VPS13B: variants seen among roughly 807,000 people sequenced by gnomAD.
VPS13B encodes the protein intermembrane lipid transfer protein VPS13B.
A neutral mutation model predicts 426.4 loss-of-function variants in VPS13B; 285 were observed. The observed-to-expected ratio is 0.67, with a 90% confidence interval of 0.61 to 0.74. The LOEUF (loss-of-function observed/expected upper bound fraction) is 0.74. Ranked by LOEUF, VPS13B falls within the 30% of genes least tolerant of loss-of-function variation. The pLI, the probability that VPS13B is intolerant of heterozygous loss-of-function variation, is 0.00. For synonymous variants in VPS13B, 1,676 were observed against 1,676.4 expected, an observed-to-expected ratio of 1.00 and a Z score of 0.01; for missense variants, 4,537 against 4,782.6, an observed-to-expected ratio of 0.95 and a Z score of 1.51.
At position 99,271,247 on chromosome 8, in the gene VPS13B, A is replaced by ACTACTG. The variant is rs144769424; in HGVS notation, c.2516-2950_2516-2949insTACTGC. 7.3e-3 allele frequency among the ~76,000 whole-genome samples: 1,089 copies of ACTACTG among 148,760 alleles called. 32 individuals carry two copies. Among genetic ancestry groups the ACTACTG allele is most frequent in the Middle Eastern group, 0.01 (3 of 286 alleles). ...TACTACTACTACTACTACTACTACT[A>ACTACTG]CGATGATGATTGTATTAGCATTTTT... On this transcript the variant is annotated intron_variant, in intron 17 of 61. Coordinates refer to ENST00000357162, the MANE Select transcript of VPS13B (RefSeq NM_152564.5).
intron 2 of VPS13B, among the ~76,000 whole-genome samples, chr8:99,019,302 G>A (rs575039986): frequency 1.3e-5 from 2 of 151,410 alleles, no homozygotes; most frequent in South Asian, 2.1e-4. Context: ...TACTTCCTGG[G>A]TTCAAATGAT....
intron 15 of VPS13B, among the ~76,000 whole-genome samples, chr8:99,166,588 A>G (rs1199741113): frequency 6.6e-6 from 1 of 152,220 alleles, no homozygotes; most frequent in African/African-American, 2.4e-5. Flanking sequence ...AGATATACAT[A>G]AATGGAAACG....
intron 17 of VPS13B, among the ~76,000 whole-genome samples, chr8:99,221,517 T>G (rs905535694): frequency 6.6e-6 from 1 of 152,192 alleles, no homozygotes; most frequent in African/African-American, 2.4e-5. Flanking sequence ...TAATAACTAT[T>G]TTCTTATGAA....
intron 39 of VPS13B, among the ~76,000 whole-genome samples, chr8:99,764,942 C>T (rs1043381262): frequency 1.6e-4 from 24 of 151,992 alleles, no homozygotes; most frequent in African/African-American, 5.8e-4. Flanking sequence ...AAGCATACTT[C>T]CTAGGGGAAA....
chr8:99,734,955 G>C, intron 39 of VPS13B, among the ~76,000 whole-genome samples: 1 of 152,162 alleles, frequency 6.6e-6, no homozygotes, highest in East Asian at 1.9e-4. Flanking sequence ...GGAGCAGCCA[G>C]GACTATGGAA....
chr8:99,038,385 G>A (rs1438413571), intron 2 of VPS13B, 38 bp from the exon 3 acceptor site: 2 of 1,510,736 alleles, frequency 1.3e-6, no homozygotes, highest in Non-Finnish European at 1.8e-6. Context: ...AAAATATTAA[G>A]CACTTACTAA....
intron 19 of VPS13B, among the ~76,000 whole-genome samples, chr8:99,376,612 A>G (rs945556788): frequency 1.3e-5 from 2 of 152,140 alleles, no homozygotes; most frequent in Non-Finnish European, 2.9e-5. Flanking sequence ...TAAAATCTCA[A>G]ATAAAATGGT....
At chr8:99,146,233 A>T (rs1156944125) in intron 13 of VPS13B, among the ~76,000 whole-genome samples, 1 of 152,168 alleles carries the variant, frequency 6.6e-6, no homozygotes, top group African/African-American at 2.4e-5. Flanking sequence ...ATAAGGAGTG[A>T]GGTTTAGATA....
intron 20 of VPS13B, 140 bp from the exon 21 acceptor site, chr8:99,391,413 GGAGA>G: frequency 7.8e-7 from 1 of 1,287,258 alleles, no homozygotes; most frequent in Non-Finnish European, 1.1e-6. Flanking sequence ...GATGAGGGAG[GGAGA>G]GATTGATTGA....
chr8:99,555,762 A>C (rs1043129312), intron 30 of VPS13B, among the ~76,000 whole-genome samples: 7 of 152,076 alleles, frequency 4.6e-5, no homozygotes, highest in Non-Finnish European at 1.0e-4. Flanking sequence ...TATTTTATTC[A>C]TTTACTTAGC....
At chr8:99,847,417 C>T (rs1367652568) in intron 54 of VPS13B, among the ~76,000 whole-genome samples, 1 of 152,118 alleles carries the variant, frequency 6.6e-6, no homozygotes, top group Non-Finnish European at 1.5e-5. Flanking sequence ...CAGAAGGGAA[C>T]AGAAAAATTA....
intron 19 of VPS13B, among the ~76,000 whole-genome samples, chr8:99,314,139 G>C (rs1390194450): frequency 6.6e-6 from 1 of 152,108 alleles, no homozygotes; most frequent in Non-Finnish European, 1.5e-5. Flanking sequence ...GCCTTGCCCT[G>C]CTTTGGCTCA....
At chr8:99,254,078 T>C (rs1192920072) in intron 17 of VPS13B, among the ~76,000 whole-genome samples, 1 of 152,198 alleles carries the variant, frequency 6.6e-6, no homozygotes, top group Non-Finnish European at 1.5e-5. Flanking sequence ...AAACATAGTT[T>C]AGAAAACTTA....
chr8:99,608,612 A>C (rs932825300), intron 33 of VPS13B, among the ~76,000 whole-genome samples: 19 of 151,998 alleles, frequency 1.3e-4, no homozygotes, highest in Non-Finnish European at 2.5e-4. Context: ...CAATTTTATA[A>C]TTTTTTTCAC....
intron 16 of VPS13B, among the ~76,000 whole-genome samples, chr8:99,182,342 T>C (rs1234255651): frequency 1.3e-5 from 2 of 152,064 alleles, no homozygotes; most frequent in Non-Finnish European, 2.9e-5. Context: ...GAGGAAGGAT[T>C]GATTGGGAAG....
chr8:99,333,499 C>G (rs1419777511), intron 19 of VPS13B, among the ~76,000 whole-genome samples: 1 of 151,732 alleles, frequency 6.6e-6, no homozygotes, highest in Non-Finnish European at 1.5e-5. Flanking sequence ...TCAGATTTCC[C>G]CTGCTTTACT....
chr8:99,336,499 C>T (rs1810879710), intron 19 of VPS13B, among the ~76,000 whole-genome samples: 1 of 151,998 alleles, frequency 6.6e-6, no homozygotes. Flanking sequence ...GCAACAAAAG[C>T]CAAAATTGAC....
intron 40 of VPS13B, among the ~76,000 whole-genome samples, chr8:99,767,493 C>CAAAAAAAAAAAA (rs869220303): frequency 3.0e-5 from 1 of 33,330 alleles, no homozygotes; most frequent in Admixed American, 3.9e-4. Flanking sequence ...GCAACTCTCT[C>CAAAAAAAAAAAA]AAAAAAAAAA....
At chr8:99,736,821 T>G (rs180730852) in intron 39 of VPS13B, among the ~76,000 whole-genome samples, 3 of 152,192 alleles carry the variant, frequency 2.0e-5, no homozygotes, top group Non-Finnish European at 2.9e-5. Flanking sequence ...GAGAGCTTTA[T>G]GTAATAATCT....
Sources: allele counts gnomAD v4.1 joint callset (sites outside exome capture counted in the v4.1 genomes callset), GRCh38; gene constraint gnomAD v4.1.1; transcripts MANE v1.5; gene names NCBI Gene and HGNC (gene_info 2026-07-23, HGNC 2026-07-21).